The following NRXN3 variants were observed in gnomAD, a reference collection of about 807,000 sequenced individuals.
The protein encoded by NRXN3 is neurexin III.
In NRXN3, 32 loss-of-function variants were observed where a neutral mutation model predicts 137.6. That is an observed-to-expected ratio of 0.23 (90% CI 0.18 to 0.31). NRXN3 has a LOEUF of 0.31. Among genes scored for constraint, NRXN3 ranks in the 10% least tolerant of loss-of-function variants. The probability of loss-of-function intolerance (pLI) is 1.00; values close to 1 mark genes in which losing one functional copy is unlikely to be tolerated. For synonymous variants in NRXN3, 798 were observed against 784.5 expected, an observed-to-expected ratio of 1.02 and a Z score of -0.29; for missense variants, 1,574 against 2,062.5, an observed-to-expected ratio of 0.76 and a Z score of 4.59.
chr14:78,888,030 G>C (rs2099148518), intron 10 of NRXN3, among the ~76,000 whole-genome samples: 1 of 152,044 alleles, frequency 6.6e-6, no homozygotes, highest in South Asian at 2.1e-4. Context: ...TTGGCATTCG[G>C]GAGTGGCAGA....
chr14:79,459,926 T>C (rs1435753567), intron 15 of NRXN3, among the ~76,000 whole-genome samples: 1 of 152,116 alleles, frequency 6.6e-6, no homozygotes, highest in Non-Finnish European at 1.5e-5. Context: ...CAGCATTGCG[T>C]ATTCTACCAC....
intron 16 of NRXN3, among the ~76,000 whole-genome samples, chr14:79,477,164 T>C (rs568808708): frequency 2.6e-5 from 4 of 151,988 alleles, no homozygotes; most frequent in African/African-American, 9.6e-5. Flanking sequence ...TTTTGACTAG[T>C]GGAATCTGAA....
At chr14:78,924,571 A>G (rs2099279857) in intron 10 of NRXN3, among the ~76,000 whole-genome samples, 3 of 152,196 alleles carry the variant, frequency 2.0e-5, no homozygotes, top group Admixed American at 1.3e-4. Context: ...TATTCTGAAC[A>G]TGGGCTGTGC....
At chr14:79,629,162 A>G (rs1003180909) in intron 16 of NRXN3, among the ~76,000 whole-genome samples, 6 of 151,004 alleles carry the variant, frequency 4.0e-5, no homozygotes, top group Admixed American at 2.0e-4. Flanking sequence ...TAAATGATCA[A>G]ATTTGTATCA....
At chr14:78,897,812 G>A (rs1053254152) in intron 10 of NRXN3, among the ~76,000 whole-genome samples, 10 of 151,912 alleles carry the variant, frequency 6.6e-5, no homozygotes, top group African/African-American at 2.4e-4. Flanking sequence ...TATTTCACAT[G>A]TATAAATTCC....
intron 15 of NRXN3, among the ~76,000 whole-genome samples, chr14:79,066,157 A>G (rs2099680484): frequency 6.6e-6 from 1 of 152,104 alleles, no homozygotes; most frequent in African/African-American, 2.4e-5. Context: ...TCTTGAGTTA[A>G]TTTTTGTATG....
At chr14:79,366,673 CATTA>C (rs767459484) in intron 15 of NRXN3, among the ~76,000 whole-genome samples, 3 of 152,142 alleles carry the variant, frequency 2.0e-5, no homozygotes, top group Non-Finnish European at 4.4e-5. Flanking sequence ...GCTCTTCATT[CATTA>C]ATTATTACAA....
intron 19 of NRXN3, among the ~76,000 whole-genome samples, chr14:79,778,581 A>G (rs1367568980): frequency 2.0e-5 from 3 of 152,188 alleles, no homozygotes; most frequent in Non-Finnish European, 4.4e-5. Flanking sequence ...GTAATGGAGT[A>G]GCATGTTGTT....
At chr14:79,379,859 CA>C (rs1330419237) in intron 15 of NRXN3, among the ~76,000 whole-genome samples, 1 of 149,832 alleles carries the variant, frequency 6.7e-6, no homozygotes, top group African/African-American at 2.5e-5. Flanking sequence ...ACTAGTCTTT[CA>C]TTTTTTTTTT....
At chr14:78,647,057 C>T (rs144937086) in intron 5 of NRXN3, among the ~76,000 whole-genome samples, 320 of 152,326 alleles carry the variant, frequency 2.1e-3, no homozygotes, top group African/African-American at 7.4e-3. Flanking sequence ...ATGATTCTCA[C>T]CAATTTGTTT....
At chr14:79,013,861 C>T (rs567628609) in intron 15 of NRXN3, among the ~76,000 whole-genome samples, 1 of 152,142 alleles carries the variant, frequency 6.6e-6, no homozygotes, top group South Asian at 2.1e-4. Flanking sequence ...TTATAAAATT[C>T]CTGTTGCATG....
intron 20 of NRXN3, among the ~76,000 whole-genome samples, chr14:79,828,479 G>T (rs764320604): frequency 1.3e-5 from 2 of 151,850 alleles, no homozygotes; most frequent in Admixed American, 6.6e-5. Flanking sequence ...AATTAGCCAG[G>T]CATGGTGGCA....
intron 15 of NRXN3, among the ~76,000 whole-genome samples, chr14:79,366,400 A>T (rs1360931411): frequency 1.3e-5 from 2 of 152,134 alleles, no homozygotes; most frequent in Non-Finnish European, 2.9e-5. Flanking sequence ...ATCAAATGCT[A>T]GATTTTATTC....
chr14:78,674,392 A>G lies in NRXN3; in HGVS notation c.1221+23066A>G, dbSNP rs375764847. Among the ~76,000 whole-genome samples the G allele has an allele frequency of 5.4e-3, 825 of 152,316 alleles. 7 individuals are homozygous for G. Among genetic ancestry groups the G allele is most frequent in the African/African-American group, 0.019 (782 of 41,568 alleles). ...CTGGCCAATGCACCCTACTCCAAGC[A>G]CATTGAAATTTTTAACAAAATTTTT... On this transcript the variant is annotated intron_variant, in intron 6 of 20. Transcript: ENST00000335750.
At chr14:79,283,657 T>A (rs1350215858) in intron 15 of NRXN3, among the ~76,000 whole-genome samples, 1 of 151,840 alleles carries the variant, frequency 6.6e-6, no homozygotes, top group Non-Finnish European at 1.5e-5. Context: ...ACATTAGGAT[T>A]GTGTTTCAGG....
chr14:78,845,775 T>C (rs574825148), intron 10 of NRXN3, among the ~76,000 whole-genome samples: 1 of 152,208 alleles, frequency 6.6e-6, no homozygotes, highest in East Asian at 1.9e-4. Context: ...AATCTGCCTA[T>C]GTCTCTTTTT....
chr14:79,111,223 T>G (rs1466098982), intron 15 of NRXN3, among the ~76,000 whole-genome samples: 1 of 152,224 alleles, frequency 6.6e-6, no homozygotes, highest in African/African-American at 2.4e-5. Context: ...AAAGAGCTGA[T>G]GTGAGTGCTG....
intron 4 of NRXN3, among the ~76,000 whole-genome samples, chr14:78,349,302 T>C (rs1057006681): frequency 6.6e-6 from 1 of 152,176 alleles, no homozygotes; most frequent in African/African-American, 2.4e-5. Context: ...CCCCTTTTTC[T>C]CCCTAAATTA....
intron 15 of NRXN3, among the ~76,000 whole-genome samples, chr14:79,445,283 T>A (rs1302760907): frequency 6.7e-6 from 1 of 149,374 alleles, no homozygotes; most frequent in Non-Finnish European, 1.5e-5. Context: ...GAGGTTGCAG[T>A]GAGCCGAGAT....
Sources: allele counts gnomAD v4.1 joint callset (sites outside exome capture counted in the v4.1 genomes callset), GRCh38; gene constraint gnomAD v4.1.1; transcripts MANE v1.5; gene names NCBI Gene and HGNC (gene_info 2026-07-23, HGNC 2026-07-21).